SERGEF: variants seen among roughly 807,000 people sequenced by gnomAD.
The protein encoded by SERGEF is secretion-regulating guanine nucleotide exchange factor.
Under a neutral mutation model 50.0 loss-of-function variants are expected in SERGEF, and 51 were observed. That is an observed-to-expected ratio of 1.02 (90% confidence interval 0.81 to 1.29). The LOEUF (loss-of-function observed/expected upper bound fraction) is 1.29. Among genes scored for constraint, SERGEF ranks in the 50% most tolerant of loss-of-function variants. The probability of loss-of-function intolerance (pLI) is 0.00; values close to 1 mark genes in which losing one functional copy is unlikely to be tolerated. For synonymous variants in SERGEF, 205 were observed against 212.4 expected (o/e 0.97, Z 0.30); for missense variants, 521 against 557.0 (o/e 0.94, Z 0.65).
chr11:17,913,088 A>G (rs185994561), intron 9 of SERGEF, among the ~76,000 whole-genome samples: 7 of 152,344 alleles, frequency 4.6e-5, no homozygotes, highest in African/African-American at 1.4e-4. Context: ...GAAAGAAAAA[A>G]TATCTGCACT....
intron 9 of SERGEF, among the ~76,000 whole-genome samples, chr11:17,882,241 C>A (rs1851346768): frequency 6.6e-6 from 1 of 151,948 alleles, no homozygotes; most frequent in Non-Finnish European, 1.5e-5. Context: ...CATGGTGAAA[C>A]CCCGTCTCTA....
intron 10 of SERGEF, 90 bp downstream of exon 10, chr11:17,878,118 C>A (rs905445066): frequency 1.1e-6 from 1 of 929,668 alleles, no homozygotes; most frequent in Non-Finnish European, 1.7e-6. Flanking sequence ...CATGAGTGCA[C>A]GCACCATGGC....
chr11:18,006,917 A>G (rs1165279761), intron 2 of SERGEF, among the ~76,000 whole-genome samples, 171 bp from the exon 3 acceptor site: 1 of 152,272 alleles, frequency 6.6e-6, no homozygotes, highest in African/African-American at 2.4e-5. Context: ...ACACAAGGCC[A>G]AGGGCCTCAA....
At chr11:17,818,250 C>T (rs1850016272) in intron 10 of SERGEF, among the ~76,000 whole-genome samples, 2 of 152,140 alleles carry the variant, frequency 1.3e-5, no homozygotes, top group South Asian at 4.1e-4. Flanking sequence ...CTCTGAGCCA[C>T]ACTACCTGGG....
chr11:17,921,118 G>A (rs1304222178), intron 9 of SERGEF, among the ~76,000 whole-genome samples: 2 of 152,118 alleles, frequency 1.3e-5, no homozygotes, highest in African/African-American at 4.8e-5. Flanking sequence ...CAAAATAAAC[G>A]GGTTTGGCAA....
rs151248964 is a variant in SERGEF, at chr11:17,884,082, G to A, written c.1012-5838C>T. 1.4e-4 allele frequency among the ~76,000 whole-genome samples: 21 copies of A among 152,286 alleles called. No homozygotes were observed. Among genetic ancestry groups the A allele is most frequent in the African/African-American group, 4.6e-4 (19 of 41,566 alleles). ...CCAGGGGCCGCTTTCCTCTACCAGA[G>A]AGGGGTAGCCAGCCGCAGCCCAAAG... On this transcript the variant is annotated intron_variant, in intron 9 of 10. Transcript: ENST00000265965. The surrounding 1 kb of genome is among the most constrained non-coding windows in gnomAD (Gnocchi z 4.6).
chr11:17,937,551 T>C (rs748775138), intron 9 of SERGEF, among the ~76,000 whole-genome samples: 1 of 151,852 alleles, frequency 6.6e-6, no homozygotes, highest in East Asian at 1.9e-4. Context: ...ATAATAATAA[T>C]AATAAATAAA....
chr11:17,809,259 TG>T (rs1849823995), intron 10 of SERGEF, among the ~76,000 whole-genome samples: 1 of 152,158 alleles, frequency 6.6e-6, no homozygotes, highest in Non-Finnish European at 1.5e-5. Flanking sequence ...TTCCACTTGG[TG>T]GAAGAAGACG....
intron 8 of SERGEF, among the ~76,000 whole-genome samples, chr11:17,963,206 A>T (rs1181651651): frequency 1.4e-5 from 2 of 145,440 alleles, no homozygotes; most frequent in Non-Finnish European, 3.0e-5. Flanking sequence ...AAAAAAAAAA[A>T]GTCAAAAGGC....
rs761379688 is a variant in SERGEF, at chr11:18,008,020, G to A, written c.117C>T (p.Pro39=). The change falls in exon 2 of 11, where the codon CCC becomes CCT. Residue 39 remains proline, a synonymous_variant. Transcript: ENST00000265965. Reference sequence around the variant, plus strand: ...GTTTACAGAAGTCATTCAGTTGCTGGGGCAACAGCACATCTTCCTTATGGC... The same window carrying A: ...GTTTACAGAAGTCATTCAGTTGCTGAGGCAACAGCACATCTTCCTTATGGC... ...GLGHKEDVLL[P]QQLNDFCKPR... is the part of the protein sequence containing the mutation. 1.2e-6 allele frequency: 2 copies of A among 1,613,882 alleles called. No individual in the cohort carries two copies. The highest frequency in any genetic ancestry group is 3.3e-5 in the Admixed American group (2 of 60,006).
intron 9 of SERGEF, among the ~76,000 whole-genome samples, chr11:17,895,063 GCA>G (rs899602382): frequency 3.0e-4 from 46 of 152,260 alleles, no homozygotes; most frequent in African/African-American, 1.1e-3. Flanking sequence ...AGCCATTTGT[GCA>G]CAGAGCCCAA....
At chr11:17,957,904 A>G (rs1852909145) in intron 9 of SERGEF, among the ~76,000 whole-genome samples, 1 of 152,244 alleles carries the variant, frequency 6.6e-6, no homozygotes, top group South Asian at 2.1e-4. Context: ...TAAAGATTGA[A>G]AACAAAACAT....
At chr11:17,866,285 G>GGAAGGTA (rs1851021643) in intron 10 of SERGEF, among the ~76,000 whole-genome samples, 1 of 152,210 alleles carries the variant, frequency 6.6e-6, no homozygotes, top group Non-Finnish European at 1.5e-5. Flanking sequence ...CAGGAAGGCA[G>GGAAGGTA]CCAAAGAACT....
intron 8 of SERGEF, among the ~76,000 whole-genome samples, chr11:17,984,372 G>A (rs191351907): frequency 1.3e-3 from 196 of 152,242 alleles, no homozygotes; most frequent in African/African-American, 3.8e-3. Context: ...AAGAGCAGGC[G>A]CAAGGCAGCA....
At position 17,876,742 on chromosome 11, in the gene SERGEF, C is replaced by A. The variant is rs2283243; in HGVS notation, c.1048+1466G>T. Among the ~76,000 whole-genome samples, 2,251 of 152,340 alleles carry A rather than the reference C, an allele frequency of 0.015. 178 individuals carry two copies. The East Asian group carries it at 0.24, about 16-fold the overall frequency. On this transcript the variant is annotated intron_variant, in intron 10 of 10. Transcript: ENST00000265965. Reference sequence around the variant, plus strand: ...TGCTTTCACAAATTTAGATTCCCTGCCATCTTCTTGTTTATGTTGGTCCCA... The same window carrying A: ...TGCTTTCACAAATTTAGATTCCCTGACATCTTCTTGTTTATGTTGGTCCCA...
intron 10 of SERGEF, among the ~76,000 whole-genome samples, chr11:17,868,567 C>T (rs1320048818): frequency 1.3e-5 from 2 of 152,176 alleles, no homozygotes; most frequent in East Asian, 3.8e-4. Context: ...TTACCCAGTT[C>T]CAAAGTCGCA....
At chr11:18,003,616 C>G (rs1025163910) in intron 4 of SERGEF, among the ~76,000 whole-genome samples, 1 of 152,160 alleles carries the variant, frequency 6.6e-6, no homozygotes, top group Non-Finnish European at 1.5e-5. Context: ...AGGCAGGGAA[C>G]TGCTTGAACC....
chr11:17,867,356 G>T (rs4044329), intron 10 of SERGEF, among the ~76,000 whole-genome samples: 2 of 152,156 alleles, frequency 1.3e-5, no homozygotes, highest in Non-Finnish European at 2.9e-5. Flanking sequence ...ATCCAGTAGC[G>T]TAGTCAAATC....
intron 9 of SERGEF, among the ~76,000 whole-genome samples, chr11:17,910,597 G>A (rs909081756): frequency 6.6e-5 from 10 of 152,156 alleles, no homozygotes; most frequent in South Asian, 2.1e-4. Flanking sequence ...GGAATTTGTC[G>A]TCTGAAGTCT....
Sources: gnomAD v4.1 joint callset for allele counts (sites outside exome capture counted in the v4.1 genomes callset) on GRCh38, gnomAD v4.1.1 for gene constraint, Gnocchi (gnomAD v3.1) non-coding constraint, MANE v1.5 for transcripts, NCBI Gene and HGNC (gene_info 2026-07-23, HGNC 2026-07-21) for gene names.